Variants in VEZF1 observed in about 807,000 individuals in gnomAD.
VEZF1 encodes the protein vascular endothelial zinc finger 1.
In VEZF1, 5 loss-of-function variants were observed where a neutral mutation model predicts 44.1. The observed-to-expected ratio is 0.11, with a 90% CI of 0.06 to 0.24. VEZF1 has a LOEUF of 0.24. Among genes scored for constraint, VEZF1 ranks in the 10% least tolerant of loss-of-function variants. The probability of loss-of-function intolerance (pLI) is 1.00; values close to 1 mark genes in which losing one functional copy is unlikely to be tolerated. For missense variants in VEZF1, 358 were observed against 641.8 expected (o/e 0.56, Z 4.78); for synonymous variants, 236 against 233.1 (o/e 1.01, Z -0.11).
At chr17:57,985,316 T>C (rs997524979) in intron 1 of VEZF1, 49 of 1,231,444 alleles carry the variant, frequency 4.0e-5, no homozygotes, top group Non-Finnish European at 4.6e-5. Flanking sequence ...TTGCTGAAGC[T>C]CACTCTCACA....
At chr17:57,977,852 GAAA>G (rs572032894) in intron 5 of VEZF1, among the ~76,000 whole-genome samples, 27 of 114,930 alleles carry the variant, frequency 2.3e-4, no homozygotes, top group African/African-American at 7.3e-4. Flanking sequence ...CTCAAAAAAA[GAAA>G]AAAAAAAAAA....
intron 5 of VEZF1, among the ~76,000 whole-genome samples, chr17:57,976,466 T>C (rs908047439): frequency 6.6e-6 from 1 of 151,878 alleles, no homozygotes; most frequent in African/African-American, 2.4e-5. Flanking sequence ...GGAGAATCAA[T>C]AGTGAAATTT....
Position 57,973,283 on chromosome 17 carries a change from A to C in VEZF1, c.*1190T>G, listed in dbSNP as rs1452782315. ...AGACAGCTGTCTCCCTGAAAACACCACAAAGCTGATACAAGTGTTTTCTCA... is the reference window on the plus strand; with the variant it reads ...AGACAGCTGTCTCCCTGAAAACACCCCAAAGCTGATACAAGTGTTTTCTCA... On this transcript the variant is annotated 3_prime_UTR_variant, in exon 6 of 6. Coordinates refer to ENST00000581208, the MANE Select transcript of VEZF1 (RefSeq NM_007146.3). 1.3e-5 allele frequency: 2 copies of C among 152,284 alleles called. No homozygotes were observed. The highest frequency in any genetic ancestry group is 3.8e-4 in the East Asian group (2 of 5,204). 9.4% of individuals were successfully genotyped at this position (152,284 alleles called of 1,614,324 possible). A position where few individuals can be genotyped will look rare whatever the true frequency, so the allele number is the denominator to read the frequency against.
At chr17:57,986,731 C>T (rs563191800) in intron 1 of VEZF1, among the ~76,000 whole-genome samples, 128 of 152,284 alleles carry the variant, frequency 8.4e-4, no homozygotes, top group African/African-American at 2.8e-3. Context: ...TTATCCAATT[C>T]TCTATATTAA....
chr17:57,985,184 C>CAT, intron 1 of VEZF1: 1 of 1,020,680 alleles, frequency 9.8e-7, no homozygotes, highest in African/African-American at 1.7e-5. Flanking sequence ...AAAGTTCAGA[C>CAT]TTATAGCATT....
chr17:57,974,940 A>C (rs2075174815), intron 5 of VEZF1, 40 bp from the exon 6 acceptor site: 1 of 1,559,170 alleles, frequency 6.4e-7, no homozygotes, highest in Admixed American at 2.0e-5. Context: ...TTCTCAAAAC[A>C]GTGAGCAAAA....
At position 57,974,841 on chromosome 17, in the gene VEZF1, G is replaced by T. The variant is rs1465724478; in HGVS notation, c.1198C>A (p.Pro400Thr). The T allele has an allele frequency of 4.3e-6, 7 of 1,614,172 alleles. No homozygotes were observed. The South Asian group carries it at 5.5e-5, about 13-fold the overall frequency. Residue 400 changes from proline to threonine, a missense_variant, in exon 6 of 6, where the codon CCA becomes ACA. Physicochemically the swap from Pro to Thr is conservative, Grantham distance 38. This residue lies in a region of VEZF1 where 171 missense variants were observed against 272.4 expected (regional missense o/e 0.63). Transcript: ENST00000581208. ...AATTPVTLTTPFSITSSVSSG... is the reference protein window; with the variant it reads ...AATTPVTLTTTFSITSSVSSG... ...GACACAGAGGATGTTATACTGAATG[G>T]AGTAGTGAGAGTCACAGGTGTCGTA...
chr17:57,978,641 A>G (rs890313908), intron 5 of VEZF1, among the ~76,000 whole-genome samples: 5 of 152,220 alleles, frequency 3.3e-5, no homozygotes, highest in Admixed American at 1.3e-4. Context: ...AAGGAGATTA[A>G]GGGTGTGACC....
chr17:57,974,273 TA>T lies in VEZF1; in HGVS notation c.*199del. 3.2e-6 allele frequency: 2 copies of T among 620,016 alleles called. No individual in the cohort carries two copies. Among genetic ancestry groups the T allele is most frequent in the Non-Finnish European group, 5.5e-6 (2 of 364,238 alleles). 38.4% of individuals were successfully genotyped at this position (620,016 alleles called of 1,614,324 possible). On this transcript the variant is annotated 3_prime_UTR_variant, in exon 6 of 6. Coordinates refer to ENST00000581208, the MANE Select transcript of VEZF1 (RefSeq NM_007146.3). The stretch of plus-strand genomic sequence containing the variant: ...AGCTAAAAGGAATTTCTGATTAAAC[TA>T]AAGTGGTCCAGTGATAAGTTACATA...
intron 2 of VEZF1, 126 bp from the exon 3 acceptor site, chr17:57,982,062 A>C: frequency 1.1e-6 from 1 of 905,016 alleles, no homozygotes; most frequent in Non-Finnish European, 1.7e-6. Flanking sequence ...AGAATTACCA[A>C]CCTCCCTCCC....
Position 57,979,156 on chromosome 17 carries a change from C to T in VEZF1, c.1134G>A (p.Lys378=). Reference sequence around the variant, plus strand: ...ACACTGGAAGCTGTGCCTTACCTTTCTTCCTTGCTTTAACAGCTTCTTCCC... The same window carrying T: ...ACACTGGAAGCTGTGCCTTACCTTTTTTCCTTGCTTTAACAGCTTCTTCCC... The part of the protein sequence containing the change: ...RLWEEAVKAR[K]KEAANLCQTS... The change falls in exon 5 of 6, where the codon AAG becomes AAA. Residue 378 remains lysine, a synonymous_variant. Coordinates refer to ENST00000581208, the MANE Select transcript of VEZF1 (RefSeq NM_007146.3). 1 of 1,612,530 alleles carries T rather than the reference C, an allele frequency of 6.2e-7. No homozygotes were observed. The highest frequency in any genetic ancestry group is 8.5e-7 in the Non-Finnish European group (1 of 1,179,772).
At chr17:57,985,180 C>T in intron 1 of VEZF1, 1 of 985,856 alleles carries the variant, frequency 1.0e-6, no homozygotes, top group Non-Finnish European at 1.3e-6. Flanking sequence ...GGACAAAGTT[C>T]AGACTTATAG....
intron 4 of VEZF1, among the ~76,000 whole-genome samples, chr17:57,979,990 A>C (rs1040531404): frequency 6.6e-6 from 1 of 151,476 alleles, no homozygotes; most frequent in East Asian, 1.9e-4. Context: ...AAAAAAAAAA[A>C]ACAAAAAAAA....
At chr17:57,986,593 A>C (rs1274627391) in intron 1 of VEZF1, among the ~76,000 whole-genome samples, 1 of 152,222 alleles carries the variant, frequency 6.6e-6, no homozygotes, top group Non-Finnish European at 1.5e-5. Flanking sequence ...GAATTCCATA[A>C]TGTTGGGTAT....
intron 5 of VEZF1, among the ~76,000 whole-genome samples, chr17:57,977,226 C>T (rs571676149): frequency 6.6e-6 from 1 of 152,210 alleles, no homozygotes; most frequent in African/African-American, 2.4e-5. Context: ...AAGTGACCCT[C>T]CCACCTTAGC....
intron 1 of VEZF1, among the ~76,000 whole-genome samples, chr17:57,987,843 G>A (rs2075314166): frequency 6.6e-6 from 1 of 151,960 alleles, no homozygotes; most frequent in African/African-American, 2.4e-5. Context: ...GTGTGTGCTG[G>A]GGGGCCCCCG....
rs762596214 is a variant in VEZF1, at chr17:57,983,325, G to A, written c.102C>T (p.Ala34=). ...ATGGTTTCTGATCAGGGGGCTCCAC[G>A]GCAGAGCTCAGGAGGGGCAGCAAGC... is the stretch of plus-strand genomic sequence containing the variant. The part of the protein sequence containing the change: ...QNSLLPLLSS[A]VEPPDQKPLL... The change falls in exon 2 of 6, where the codon GCC becomes GCT. Residue 34 remains alanine (A), a synonymous_variant. Coordinates refer to ENST00000581208, the MANE Select transcript of VEZF1 (RefSeq NM_007146.3). 60 of 1,613,956 alleles carry A rather than the reference G, an allele frequency of 3.7e-5. No homozygotes were observed. The highest frequency in any genetic ancestry group is 1.6e-4 in the Middle Eastern group (1 of 6,084).
At chr17:57,980,526 C>T in intron 4 of VEZF1, 77 bp downstream of exon 4, 1 of 1,407,224 alleles carries the variant, frequency 7.1e-7, no homozygotes, top group East Asian at 2.3e-5. Flanking sequence ...AATATTAATA[C>T]CTTTGATACA....
rs572353625 is a variant in VEZF1 at position 57,971,760 on chromosome 17, T to A, written c.*2713A>T. The A allele has an allele frequency of 1.3e-5, 2 of 152,504 alleles. No individual in the cohort carries two copies. The highest frequency in any genetic ancestry group is 4.8e-5 in the African/African-American group (2 of 41,388). 9.4% of individuals were successfully genotyped at this position (152,504 alleles called of 1,614,324 possible). A position where few individuals can be genotyped will look rare whatever the true frequency, so the allele number is the denominator to read the frequency against. ...AGAGCGTAACAGGCTGGATGTCAGATTTAAGGATTATCTAATACAACTGTT... is the reference window on the plus strand; with the variant it reads ...AGAGCGTAACAGGCTGGATGTCAGAATTAAGGATTATCTAATACAACTGTT... On this transcript the variant is annotated 3_prime_UTR_variant, in exon 6 of 6. Transcript: ENST00000581208.
Sources: gnomAD v4.1 joint callset for allele counts (sites outside exome capture counted in the v4.1 genomes callset) on GRCh38, gnomAD v4.1.1 for gene constraint, gnomAD v4.1.1 regional missense constraint, MANE v1.5 for transcripts, NCBI Gene and HGNC (gene_info 2026-07-23, HGNC 2026-07-21) for gene names.